Variants in TAFA2 observed in about 807,000 individuals in gnomAD.
TAFA2 encodes the protein TAFA chemokine like family member 2.
TAFA2 carries 7 observed loss-of-function variants against 18.8 expected under a neutral mutation model. That is an observed-to-expected ratio of 0.37 (90% confidence interval 0.21 to 0.70). TAFA2 has a LOEUF of 0.70. Among genes scored for constraint, TAFA2 ranks in the 30% least tolerant of loss-of-function variants. The probability of loss-of-function intolerance (pLI) is 0.53; values close to 1 mark genes in which losing one functional copy is unlikely to be tolerated. For missense variants in TAFA2, 122 were observed against 158.1 expected (o/e 0.77, Z 1.23); for synonymous variants, 60 against 54.2 (o/e 1.11, Z -0.47).
intron 1 of TAFA2, among the ~76,000 whole-genome samples, chr12:62,171,695 C>T (rs1211082995): frequency 2.6e-5 from 4 of 152,156 alleles, no homozygotes; most frequent in Non-Finnish European, 5.9e-5. Context: ...TCTTGAACTT[C>T]CCAGCGTCCA....
intron 1 of TAFA2, among the ~76,000 whole-genome samples, chr12:62,164,657 T>G (rs1486457669): frequency 6.6e-6 from 1 of 152,140 alleles, no homozygotes; most frequent in Non-Finnish European, 1.5e-5. Flanking sequence ...ATTATTGTTA[T>G]TTCTAAAAGT....
intron 1 of TAFA2, among the ~76,000 whole-genome samples, chr12:62,010,728 G>A (rs368567982): frequency 8.2e-5 from 12 of 146,256 alleles, no homozygotes; most frequent in South Asian, 4.4e-4. Context: ...CGGCCGCCCC[G>A]TCTGGGAGGT....
chr12:62,025,984 T>C (rs1172080305), intron 1 of TAFA2, among the ~76,000 whole-genome samples: 4 of 152,146 alleles, frequency 2.6e-5, no homozygotes, highest in Non-Finnish European at 4.4e-5. Context: ...ACCAACCCTG[T>C]TCATTTTTTA....
chr12:61,996,630 G>C (rs912276496), intron 1 of TAFA2, among the ~76,000 whole-genome samples: 11 of 152,200 alleles, frequency 7.2e-5, no homozygotes, highest in African/African-American at 2.4e-4. Context: ...AGTCACAGCT[G>C]CCCACAGTTG....
rs755196873 is a variant in TAFA2 at position 61,710,234 on chromosome 12, C to CT, written c.*171dup. On this transcript the variant is annotated 3_prime_UTR_variant, in exon 5 of 5. Coordinates refer to ENST00000416284, the MANE Select transcript of TAFA2 (RefSeq NM_178539.5). Reference sequence around the variant, plus strand: ...TCATGACATGCAAGTTCATGTCTGACTTTTAAAAAGTCTTGATTTCAAGAA... The same window carrying CT: ...TCATGACATGCAAGTTCATGTCTGACTTTTTAAAAAGTCTTGATTTCAAGAA... 4.7e-4 allele frequency: 284 copies of CT among 605,240 alleles called. 1 individual carries two copies. The highest frequency in any genetic ancestry group is 7.6e-4 in the Non-Finnish European group (257 of 338,612). 37.5% of individuals were successfully genotyped at this position (605,240 alleles called of 1,614,324 possible). A position where few individuals can be genotyped will look rare whatever the true frequency, so the allele number is the denominator to read the frequency against.
chr12:62,086,921 T>TG (rs1260331996), intron 1 of TAFA2, among the ~76,000 whole-genome samples: 1 of 152,108 alleles, frequency 6.6e-6, no homozygotes, highest in Admixed American at 6.6e-5. Context: ...AAATAAAATG[T>TG]GGTATATACA....
chr12:61,926,785 A>G (rs12304217), intron 1 of TAFA2, among the ~76,000 whole-genome samples: 3,075 of 152,258 alleles, frequency 0.02, 88 homozygotes, highest in African/African-American at 0.07. Flanking sequence ...GAAAATGGGC[A>G]CAAGAGGGCA....
At chr12:61,957,925 C>T (rs1366498500) in intron 1 of TAFA2, among the ~76,000 whole-genome samples, 1 of 151,966 alleles carries the variant, frequency 6.6e-6, no homozygotes, top group Non-Finnish European at 1.5e-5. Flanking sequence ...ATAGAAAGAG[C>T]TTAGGACATT....
At chr12:61,960,432 G>A (rs1878843657) in intron 1 of TAFA2, among the ~76,000 whole-genome samples, 1 of 151,902 alleles carries the variant, frequency 6.6e-6, no homozygotes. Context: ...ATATTTTGGT[G>A]CTAAATATGT....
chr12:62,066,764 G>A (rs181818427), intron 1 of TAFA2, among the ~76,000 whole-genome samples: 6 of 151,710 alleles, frequency 4.0e-5, no homozygotes, highest in Middle Eastern at 3.4e-3. Context: ...GAATAGTGCT[G>A]TAATAAACAA....
intron 4 of TAFA2, among the ~76,000 whole-genome samples, chr12:61,713,711 C>T (rs567411437): frequency 6.6e-6 from 1 of 152,020 alleles, no homozygotes; most frequent in Non-Finnish European, 1.5e-5. Flanking sequence ...GAAATTATTA[C>T]CTAAAATTAA....
chr12:61,893,595 T>C (rs561191495), intron 1 of TAFA2, among the ~76,000 whole-genome samples: 1 of 152,278 alleles, frequency 6.6e-6, no homozygotes, highest in East Asian at 1.9e-4. Context: ...TGGCTTTGAA[T>C]AGCAGTGGAG....
At chr12:62,222,760 C>T (rs909870816) in intron 1 of TAFA2, among the ~76,000 whole-genome samples, 8 of 151,782 alleles carry the variant, frequency 5.3e-5, no homozygotes, top group African/African-American at 1.2e-4. Flanking sequence ...GTGATCCGCC[C>T]GCCTGGGCCT....
intron 1 of TAFA2, among the ~76,000 whole-genome samples, chr12:62,084,613 AT>A (rs1442891560): frequency 6.6e-6 from 1 of 152,054 alleles, no homozygotes; most frequent in Non-Finnish European, 1.5e-5. Flanking sequence ...ACGTCTGCTG[AT>A]TTTTTCCTTT....
chr12:61,961,601 A>G (rs770332850), intron 1 of TAFA2, among the ~76,000 whole-genome samples: 12 of 152,030 alleles, frequency 7.9e-5, no homozygotes, highest in Non-Finnish European at 1.2e-4. Flanking sequence ...TATAGCTTAA[A>G]GAGGATAAGT....
chr12:61,780,712 C>T (rs1035961037), intron 2 of TAFA2, among the ~76,000 whole-genome samples: 2 of 151,694 alleles, frequency 1.3e-5, no homozygotes, highest in Non-Finnish European at 2.9e-5. Flanking sequence ...AATCTCCCTG[C>T]TAAAGTCCTT....
chr12:61,729,912 G>A (rs1331722651), intron 4 of TAFA2, among the ~76,000 whole-genome samples: 2 of 152,056 alleles, frequency 1.3e-5, no homozygotes, highest in African/African-American at 2.4e-5. Flanking sequence ...ATCCCATGGG[G>A]TGATCCCTCG....
At chr12:61,727,649 T>C in intron 4 of TAFA2, among the ~76,000 whole-genome samples, 1 of 152,092 alleles carries the variant, frequency 6.6e-6, no homozygotes, top group Non-Finnish European at 1.5e-5. Flanking sequence ...ATCAATTTTG[T>C]TTATCTTTTC....
intron 1 of TAFA2, among the ~76,000 whole-genome samples, chr12:62,149,635 C>T (rs979658020): frequency 3.4e-5 from 5 of 148,800 alleles, no homozygotes; most frequent in Non-Finnish European, 7.4e-5. Flanking sequence ...ATAAATTCTG[C>T]CTTAAGGAGA....
Sources: allele counts gnomAD v4.1 joint callset (sites outside exome capture counted in the v4.1 genomes callset), GRCh38; gene constraint gnomAD v4.1.1; transcripts MANE v1.5; gene names NCBI Gene and HGNC (gene_info 2026-07-23, HGNC 2026-07-21).